FNDC3A: variants seen among roughly 807,000 people sequenced by gnomAD.
FNDC3A encodes fibronectin type III domain containing 3A, also known as fibronectin type-III domain-containing protein 3A.
A neutral mutation model predicts 148.9 loss-of-function variants in FNDC3A; 32 were observed. The observed-to-expected ratio is 0.21, with a 90% CI of 0.16 to 0.29. FNDC3A has a LOEUF of 0.29. Ranked by LOEUF, FNDC3A falls within the 10% of genes least tolerant of loss-of-function variation. FNDC3A has a pLI of 1.00. For synonymous variants in FNDC3A, 472 were observed against 473.6 expected (o/e 1.00, Z 0.04); for missense variants, 1,191 against 1,452.8 (o/e 0.82, Z 2.93).
chr13:49,073,465 G>A (rs2137773586), intron 2 of FNDC3A, among the ~76,000 whole-genome samples: 1 of 151,744 alleles, frequency 6.6e-6, no homozygotes, highest in South Asian at 2.1e-4. Flanking sequence ...AACTTTCTGA[G>A]CACCAACATG....
intron 3 of FNDC3A, among the ~76,000 whole-genome samples, chr13:49,103,990 A>G (rs1880011366): frequency 6.6e-6 from 1 of 152,228 alleles, no homozygotes; most frequent in South Asian, 2.1e-4. Flanking sequence ...CAAAACTCCC[A>G]GGAAAATAAA....
chr13:49,209,113 AAAC>A lies in FNDC3A; in HGVS notation c.*1723_*1725del, dbSNP rs1886782540. The A allele has an allele frequency of 6.6e-6, 1 of 152,602 alleles. No homozygotes were observed. The highest frequency in any genetic ancestry group is 1.5e-5 in the Non-Finnish European group (1 of 68,042). 9.5% of individuals were successfully genotyped at this position (152,602 alleles called of 1,614,324 possible). ...TGTATAGGGTGATAACCTTCCCCAGAAACAACAGTGATTGCGATTGTTTTCTAG... is the reference window on the plus strand; with the variant it reads ...TGTATAGGGTGATAACCTTCCCCAGAAACAGTGATTGCGATTGTTTTCTAG... On this transcript the variant is annotated 3_prime_UTR_variant, in exon 26 of 26. Transcript: ENST00000492622.
intron 2 of FNDC3A, among the ~76,000 whole-genome samples, chr13:49,074,099 C>A (rs1332561498): frequency 2.0e-5 from 3 of 151,878 alleles, no homozygotes; most frequent in Non-Finnish European, 4.4e-5. Context: ...CTTTTTATTT[C>A]CATAGGTTTT....
chr13:49,131,422 G>T (rs368752642), intron 5 of FNDC3A, 48 bp downstream of exon 5: 16 of 1,302,758 alleles, frequency 1.2e-5, no homozygotes, highest in Non-Finnish European at 1.8e-5. Context: ...GATATTCTTC[G>T]CTTGGATATA....
intron 3 of FNDC3A, among the ~76,000 whole-genome samples, chr13:49,080,032 A>G (rs1005962080): frequency 6.6e-6 from 1 of 152,168 alleles, no homozygotes; most frequent in African/African-American, 2.4e-5. Flanking sequence ...CCTGGGCTCA[A>G]GCAATCGTCC....
rs751839877 is a variant in FNDC3A, at chr13:49,207,284, A to C, written c.3486A>C (p.Thr1162=). The part of the protein sequence containing the change: ...ASTNRDTVES[T]RTRRALSDEQ... ...CCAACAGAGACACTGTGGAAAGCAC[A>C]AGGACCCGACGGGCACTGAGTGACG... The change falls in exon 26 of 26, where the codon ACA becomes ACC. Residue 1162 remains threonine, a synonymous_variant. Coordinates refer to ENST00000492622, the MANE Select transcript of FNDC3A (RefSeq NM_001079673.2). 6.2e-7 allele frequency: 1 copy of C among 1,614,224 alleles called. No individual in the cohort carries two copies. The highest frequency in any genetic ancestry group is 1.7e-5 in the Admixed American group (1 of 60,026).
chr13:48,998,774 G>A (rs1952070478), intron 1 of FNDC3A, among the ~76,000 whole-genome samples: 1 of 152,150 alleles, frequency 6.6e-6, no homozygotes, highest in East Asian at 1.9e-4. Flanking sequence ...AACATCAAAG[G>A]GGTGGCTGGC....
intron 2 of FNDC3A, among the ~76,000 whole-genome samples, chr13:49,026,951 C>T (rs993276658): frequency 6.6e-6 from 1 of 151,800 alleles, no homozygotes; most frequent in Non-Finnish European, 1.5e-5. Flanking sequence ...TATATATCCA[C>T]CCCACCAAGC....
chr13:49,125,532 T>TAG (rs1300874431), intron 4 of FNDC3A, among the ~76,000 whole-genome samples: 4 of 152,004 alleles, frequency 2.6e-5, no homozygotes, highest in African/African-American at 9.7e-5. Flanking sequence ...TTGCAAAAAG[T>TAG]AGAGAGGAAG....
chr13:49,036,410 A>G (rs745317940), intron 2 of FNDC3A, among the ~76,000 whole-genome samples: 11 of 152,336 alleles, frequency 7.2e-5, no homozygotes, highest in Non-Finnish European at 1.6e-4. Context: ...AGACAGCACA[A>G]ATGCTATAGG....
chr13:49,148,986 T>G (rs140910823), intron 8 of FNDC3A, among the ~76,000 whole-genome samples: 2 of 152,252 alleles, frequency 1.3e-5, no homozygotes, highest in East Asian at 3.9e-4. Context: ...GATTGCCTTT[T>G]GGGCTTCTTT....
chr13:49,115,839 A>G (rs1490529773), intron 4 of FNDC3A, among the ~76,000 whole-genome samples: 2 of 152,204 alleles, frequency 1.3e-5, no homozygotes, highest in East Asian at 3.8e-4. Flanking sequence ...GCTATGTACC[A>G]AATCCAAAGT....
intron 2 of FNDC3A, among the ~76,000 whole-genome samples, chr13:49,021,067 A>G (rs942714537): frequency 2.6e-5 from 4 of 152,186 alleles, no homozygotes; most frequent in African/African-American, 4.8e-5. Context: ...TTGATATGGG[A>G]AAAAAATGTT....
chr13:49,151,634 G>A (rs1219413213), intron 8 of FNDC3A, among the ~76,000 whole-genome samples: 1 of 151,992 alleles, frequency 6.6e-6, no homozygotes, highest in Non-Finnish European at 1.5e-5. Context: ...GTACAGGTTT[G>A]TTACATAGGT....
chr13:49,054,415 A>G (rs9316428), intron 2 of FNDC3A, among the ~76,000 whole-genome samples: 93,719 of 151,984 alleles, frequency 0.62, 29,606 homozygotes, highest in Non-Finnish European at 0.68. Flanking sequence ...TATCAGACCC[A>G]CTACTGCCCC....
In FNDC3A at chr13:49,136,557, C is replaced by G; in HGVS notation, c.716C>G (p.Ser239Cys). The G allele has an allele frequency of 6.2e-7, 1 of 1,613,936 alleles. No individual in the cohort carries two copies. Among genetic ancestry groups the G allele is most frequent in the Non-Finnish European group, 8.5e-7 (1 of 1,179,898 alleles). ...AACACAGGATCAGCAAAAATCAAGT[C>G]TGGGAAGGGGAAAGGTGGTACACAA... ...GINTGSAKIKSGKGKGGTQVD... is the reference protein window; with the variant it reads ...GINTGSAKIKCGKGKGGTQVD... The change falls in exon 6 of 26, where the codon TCT becomes TGT. Residue 239 changes from serine to cysteine, a missense_variant. Physicochemically the swap from Ser to Cys is moderately radical, Grantham distance 112. This residue lies in a region of FNDC3A where 426 missense variants were observed against 473.2 expected (regional missense o/e 0.90). Coordinates refer to ENST00000492622, the MANE Select transcript of FNDC3A (RefSeq NM_001079673.2).
chr13:49,117,463 C>G (rs1380067191), intron 4 of FNDC3A, among the ~76,000 whole-genome samples: 1 of 152,068 alleles, frequency 6.6e-6, no homozygotes, highest in Admixed American at 6.5e-5. Flanking sequence ...TCTACCCATC[C>G]TTGAGGGCCT....
At chr13:49,121,184 A>G (rs1881318267) in intron 4 of FNDC3A, among the ~76,000 whole-genome samples, 1 of 152,242 alleles carries the variant, frequency 6.6e-6, no homozygotes, top group Non-Finnish European at 1.5e-5. Context: ...ACTCAGGATT[A>G]AGAAACTCAC....
chr13:49,068,476 A>G (rs1413086759), intron 2 of FNDC3A, among the ~76,000 whole-genome samples: 1 of 152,198 alleles, frequency 6.6e-6, no homozygotes, highest in African/African-American at 2.4e-5. Flanking sequence ...CCATTGTGGA[A>G]TCAACCATTG....
Sources: allele counts gnomAD v4.1 joint callset (sites outside exome capture counted in the v4.1 genomes callset), GRCh38; gene constraint gnomAD v4.1.1; regional missense constraint gnomAD v4.1.1; transcripts MANE v1.5; gene names NCBI Gene and HGNC (gene_info 2026-07-23, HGNC 2026-07-21).